The following OSBP2 variants were observed in gnomAD, a reference collection of about 807,000 sequenced individuals.
OSBP2 encodes the protein oxysterol binding protein 2.
In OSBP2, 66 loss-of-function variants were observed where a neutral mutation model predicts 96.0. The ratio of observed to expected loss-of-function variants is 0.69; its 90% CI spans 0.56 to 0.84. The LOEUF (loss-of-function observed/expected upper bound fraction) is 0.84. OSBP2 is among the 40% of genes least tolerant of loss of function. OSBP2 has a pLI of 0.00. For synonymous variants in OSBP2, 525 were observed against 520.9 expected, an observed-to-expected ratio of 1.01 and a Z score of -0.11; for missense variants, 1,038 against 1,222.7, an observed-to-expected ratio of 0.85 and a Z score of 2.25.
chr22:30,696,038 C>G (rs1393137082), intron 1 of OSBP2, among the ~76,000 whole-genome samples: 1 of 152,114 alleles, frequency 6.6e-6, no homozygotes, highest in African/African-American at 2.4e-5. Flanking sequence ...TTTCCTGATG[C>G]CTCTGGTTGC....
At chr22:30,764,252 T>A (rs777013849) in intron 2 of OSBP2, 23 of 984,980 alleles carry the variant, frequency 2.3e-5, no homozygotes, top group Non-Finnish European at 2.8e-5. Flanking sequence ...GCTCTGCCCT[T>A]AGAGCAACTA....
At chr22:30,764,473 G>T (rs933309899) in intron 2 of OSBP2, 2 of 885,472 alleles carry the variant, frequency 2.3e-6, no homozygotes, top group Non-Finnish European at 2.7e-6. Context: ...GGAGTGTGGC[G>T]TTGTTCTGGC....
intron 2 of OSBP2, among the ~76,000 whole-genome samples, chr22:30,839,543 A>G (rs9619142): frequency 0.058 from 8,837 of 151,574 alleles, 278 homozygotes; most frequent in Non-Finnish European, 0.064. Context: ...TTGCCATTCT[A>G]ACTGGTGTGA....
At chr22:30,902,127 A>AT in intron 12 of OSBP2, 2 of 60,172 alleles carry the variant, frequency 3.3e-5, no homozygotes, top group Non-Finnish European at 6.4e-5. Flanking sequence ...AAAAAAAACG[A>AT]AAAAAAAAAA....
At chr22:30,832,076 T>A (rs182049321) in intron 2 of OSBP2, among the ~76,000 whole-genome samples, 52 of 152,254 alleles carry the variant, frequency 3.4e-4, no homozygotes, top group Non-Finnish European at 6.0e-4. Context: ...CATCTCACTG[T>A]CCTGGGACAT....
At chr22:30,725,735 A>G (rs2089638671) in intron 1 of OSBP2, among the ~76,000 whole-genome samples, 1 of 152,078 alleles carries the variant, frequency 6.6e-6, no homozygotes, top group Non-Finnish European at 1.5e-5. Flanking sequence ...AATATTTGCT[A>G]AATGAATCAA....
chr22:30,890,880 G>T lies in OSBP2; in HGVS notation c.1776G>T (p.Val592=). 6.2e-7 allele frequency: 1 copy of T among 1,613,678 alleles called. No individual in the cohort carries two copies. The change falls in exon 8 of 14, where the codon GTG becomes GTT. Residue 592 remains valine (V), a synonymous_variant. Coordinates refer to ENST00000332585, the MANE Select transcript of OSBP2 (RefSeq NM_030758.4). The surrounding 1 kb of genome is among the most constrained non-coding windows in gnomAD (Gnocchi z 4.4). The stretch of plus-strand genomic sequence containing the variant: ...CTGTGTCCTCCTACTCCACCACAGT[G>T]CACCGCATCGCCAAGCCCTTCAACC... The part of the protein sequence containing the change: ...AFSVSSYSTT[V]HRIAKPFNPM...
chr22:30,897,765 C>A (rs955860712), intron 12 of OSBP2, among the ~76,000 whole-genome samples: 1 of 152,236 alleles, frequency 6.6e-6, no homozygotes, highest in Non-Finnish European at 1.5e-5. Context: ...GCCTGGCCAA[C>A]ATGGTGAAAC....
chr22:30,889,582 CTG>C lies in OSBP2; in HGVS notation c.1570_1571del (p.Trp524GlufsTer22). ...ACAAGCCCAACTACAGCCTTAACCT[CTG>C]GAGCATCATGAAGAACTGCATCGGC... ...PNKPNYSLNLWSIMKNCIGRE... is the reference protein window; with the variant it reads ...PNKPNYSLNLXSIMKNCIGRE... On this transcript the variant is annotated frameshift_variant, in exon 7 of 14. Transcript: ENST00000332585. LOFTEE classifies it high-confidence loss of function. The C allele has an allele frequency of 6.2e-7, 1 of 1,614,134 alleles. No homozygotes were observed. The highest frequency in any genetic ancestry group is 8.5e-7 in the Non-Finnish European group (1 of 1,180,024).
At chr22:30,805,811 G>A (rs2090920846) in intron 2 of OSBP2, among the ~76,000 whole-genome samples, 1 of 152,110 alleles carries the variant, frequency 6.6e-6, no homozygotes, top group African/African-American at 2.4e-5. Context: ...CTGGAGCTTG[G>A]GTAAAAGGAC....
intron 2 of OSBP2, among the ~76,000 whole-genome samples, chr22:30,752,212 C>G (rs533009083): frequency 4.0e-5 from 6 of 150,324 alleles, no homozygotes; most frequent in Admixed American, 1.3e-4. Context: ...ATTTATGGCT[C>G]GAACTTGCCA....
At chr22:30,792,285 C>A (rs1218353335) in intron 2 of OSBP2, among the ~76,000 whole-genome samples, 1 of 151,872 alleles carries the variant, frequency 6.6e-6, no homozygotes, top group East Asian at 1.9e-4. Context: ...TGCACTCCAG[C>A]CTGGGCGACA....
intron 2 of OSBP2, among the ~76,000 whole-genome samples, chr22:30,804,361 A>T (rs1252642086): frequency 6.6e-6 from 1 of 152,152 alleles, no homozygotes; most frequent in African/African-American, 2.4e-5. Flanking sequence ...GAGGACTGAG[A>T]TCTGTGTTTT....
chr22:30,751,457 C>A (rs2090072845), intron 2 of OSBP2, among the ~76,000 whole-genome samples: 1 of 152,038 alleles, frequency 6.6e-6, no homozygotes, highest in African/African-American at 2.4e-5. Flanking sequence ...CAAGTTCAAG[C>A]AATTCTCCTG....
intron 2 of OSBP2, among the ~76,000 whole-genome samples, chr22:30,775,283 G>A (rs1205519087): frequency 6.6e-6 from 1 of 151,966 alleles, no homozygotes; most frequent in Non-Finnish European, 1.5e-5. Flanking sequence ...ACATTTCACT[G>A]TGTATCTCTA....
intron 1 of OSBP2, among the ~76,000 whole-genome samples, 191 bp from the exon 2 acceptor site, chr22:30,740,970 C>T (rs533450281): frequency 3.8e-4 from 58 of 152,264 alleles, no homozygotes; most frequent in African/African-American, 1.4e-3. Flanking sequence ...AGAGAGCAGT[C>T]GTGGCCTTAG....
chr22:30,824,238 A>G (rs981142426), intron 2 of OSBP2, among the ~76,000 whole-genome samples: 1 of 152,166 alleles, frequency 6.6e-6, no homozygotes, highest in African/African-American at 2.4e-5. Context: ...CCTGCCCTGC[A>G]CAGCAAGCCT....
At position 30,906,243 on chromosome 22, in the gene OSBP2, G is replaced by T; in HGVS notation, c.2655G>T (p.Leu885=). The T allele has an allele frequency of 6.2e-7, 1 of 1,614,216 alleles. No homozygotes were observed. The stretch of plus-strand genomic sequence containing the variant: ...CGCCACTGTGGTTTGAGAAGAGGCT[G>T]GATCCGCTGACCGGGGAGATGGCCT... ...AYTPLWFEKR[L]DPLTGEMACV... is the part of the protein sequence containing the mutation. Residue 885 remains leucine, a synonymous_variant, in exon 14 of 14, where the codon CTG becomes CTT. Coordinates refer to ENST00000332585, the MANE Select transcript of OSBP2 (RefSeq NM_030758.4).
At chr22:30,888,921 T>C (rs2039879676) in intron 5 of OSBP2, among the ~76,000 whole-genome samples, 4 of 152,174 alleles carry the variant, frequency 2.6e-5, no homozygotes, top group Admixed American at 2.6e-4. Flanking sequence ...TGTGACACAA[T>C]GGTTAAGGAT....
Sources: allele counts gnomAD v4.1 joint callset (sites outside exome capture counted in the v4.1 genomes callset), GRCh38; gene constraint gnomAD v4.1.1; non-coding constraint Gnocchi (gnomAD v3.1); transcripts MANE v1.5; gene names NCBI Gene and HGNC (gene_info 2026-07-23, HGNC 2026-07-21).